Variants in TGM3 observed in about 807,000 individuals in gnomAD.
TGM3 encodes the protein protein-glutamine gamma-glutamyltransferase E.
Under a neutral mutation model 73.8 loss-of-function variants are expected in TGM3, and 52 were observed. The ratio of observed to expected loss-of-function variants is 0.70; its 90% CI spans 0.56 to 0.89. The LOEUF is 0.89. TGM3 is among the 40% of genes least tolerant of loss of function. The probability of loss-of-function intolerance (pLI) is 0.00; values close to 1 mark genes in which losing one functional copy is unlikely to be tolerated. For missense variants in TGM3, 928 were observed against 909.9 expected (o/e 1.02, Z -0.26); for synonymous variants, 372 against 354.9 (o/e 1.05, Z -0.54).
chr20:2,335,034 C>T, intron 10 of TGM3, 82 bp from the exon 11 acceptor site: 1 of 1,546,864 alleles, frequency 6.5e-7, no homozygotes, highest in South Asian at 1.2e-5. Context: ...CTCACCCTGC[C>T]TTGGCTTGGC....
Position 2,331,938 on chromosome 20 carries a change from T to C in TGM3, c.1334-64T>C, listed in dbSNP as rs2084322601. 3.9e-6 allele frequency: 6 copies of C among 1,545,494 alleles called. No homozygotes were observed. The South Asian group carries it at 6.3e-5, about 16-fold the overall frequency. ...TCCTAGGCCGCCTGTCCAGGCAGGG[T>C]ACTGTCCTTTGCCCAGGTTGCCATC... On this transcript the variant is annotated intron_variant, in intron 9 of 12. Transcript: ENST00000381458.
intron 7 of TGM3, among the ~76,000 whole-genome samples, chr20:2,321,505 G>C (rs182411471): frequency 6.6e-6 from 1 of 152,264 alleles, no homozygotes; most frequent in Admixed American, 6.5e-5. Flanking sequence ...TTCTAGGCAA[G>C]GTCTCCTAAC....
At chr20:2,326,259 C>G (rs777933543) in intron 8 of TGM3, among the ~76,000 whole-genome samples, 1 of 152,228 alleles carries the variant, frequency 6.6e-6, no homozygotes, top group South Asian at 2.1e-4. Flanking sequence ...GCAGCAGCCT[C>G]TCCTTCCCAG....
rs759655716 is a variant in TGM3, at chr20:2,310,385, C to T, written c.389C>T (p.Thr130Met). ...QGGISSVKLG[T>M]FILLFNPWLN... ...GGCATCTCCTCTGTGAAACTTGGGA[C>T]GTTCATACTGCTTTTTAACCCCTGG... The change falls in exon 3 of 13, where the codon ACG (threonine) becomes ATG (methionine). Residue 130 changes from threonine (T) to methionine (M), a missense_variant. Transcript: ENST00000381458. The T allele has an allele frequency of 1.7e-5, 28 of 1,614,092 alleles. 1 individual carries two copies. In the South Asian group the frequency reaches 2.2e-4, roughly 13 times the overall value.
At chr20:2,318,625 TA>T (rs759684224) in intron 7 of TGM3, among the ~76,000 whole-genome samples, 2 of 152,220 alleles carry the variant, frequency 1.3e-5, no homozygotes, top group Non-Finnish European at 2.9e-5. Context: ...CCCATCTATC[TA>T]TTGTTTTAAT....
At chr20:2,316,969 C>T (rs2084236610) in intron 5 of TGM3, 99 bp from the exon 6 acceptor site, 3 of 1,420,252 alleles carry the variant, frequency 2.1e-6, no homozygotes, top group Non-Finnish European at 2.9e-6. Flanking sequence ...CTTTGGCTTC[C>T]TTCCTCATCT....
intron 1 of TGM3, among the ~76,000 whole-genome samples, chr20:2,299,540 G>C (rs140993744): frequency 6.6e-6 from 1 of 152,348 alleles, no homozygotes; most frequent in Non-Finnish European, 1.5e-5. Context: ...ATCTCGCTTA[G>C]CAGTGGAGGG....
In TGM3 at chr20:2,340,608, C is replaced by T. The variant is rs1399659274; in HGVS notation, c.*27C>T. 7.4e-6 allele frequency: 12 copies of T among 1,613,986 alleles called. No homozygotes were observed. Among genetic ancestry groups the T allele is most frequent in the Non-Finnish European group, 1.0e-5 (12 of 1,180,000 alleles). ...GGGCGCTGGTGGCCTCCCGTACAAA[C>T]TTGGACAACACGGAGCAGGGAGAGC... On this transcript the variant is annotated 3_prime_UTR_variant, in exon 13 of 13. Coordinates refer to ENST00000381458, the MANE Select transcript of TGM3 (RefSeq NM_003245.4).
At chr20:2,323,650 T>C (rs2084272653) in intron 7 of TGM3, among the ~76,000 whole-genome samples, 1 of 152,242 alleles carries the variant, frequency 6.6e-6, no homozygotes, top group Non-Finnish European at 1.5e-5. Context: ...CACAAGGTCA[T>C]AGCAATTTAA....
intron 7 of TGM3, among the ~76,000 whole-genome samples, chr20:2,324,706 G>C (rs878980989): frequency 1.3e-5 from 2 of 152,152 alleles, no homozygotes; most frequent in African/African-American, 4.8e-5. Flanking sequence ...CTCTGCTCCT[G>C]GTTCCTCAGA....
At chr20:2,305,434 G>T (rs906349958) in intron 1 of TGM3, among the ~76,000 whole-genome samples, 1 of 152,210 alleles carries the variant, frequency 6.6e-6, no homozygotes, top group African/African-American at 2.4e-5. Context: ...TGCCACACCT[G>T]GGTTCAGGAT....
chr20:2,326,124 G>GCTGTTTAAATGAGTGCCTGCCC, intron 8 of TGM3, 172 bp downstream of exon 8: 1 of 685,142 alleles, frequency 1.5e-6, no homozygotes, highest in Non-Finnish European at 2.5e-6. Flanking sequence ...GGCTCGGGCT[G>GCTGTTTAAATGAGTGCCTGCCC]CTGTTTAAAT....
intron 1 of TGM3, among the ~76,000 whole-genome samples, chr20:2,297,402 G>A (rs1018787981): frequency 4.6e-5 from 7 of 152,192 alleles, no homozygotes; most frequent in African/African-American, 7.2e-5. Context: ...TGAAAGCTTT[G>A]AAATGAATGC....
chr20:2,340,364 T>A, intron 12 of TGM3, 70 bp from the exon 13 acceptor site: 1 of 1,589,028 alleles, frequency 6.3e-7, no homozygotes, highest in South Asian at 1.1e-5. Flanking sequence ...GGACAGGAGG[T>A]CACAGGAGGC....
At position 2,311,190 on chromosome 20, in the gene TGM3, T is replaced by G. The variant is rs1405163566; in HGVS notation, c.540+61T>G. 6 of 1,373,108 alleles carry G rather than the reference T, an allele frequency of 4.4e-6. No homozygotes were observed. In the African/African-American group the frequency reaches 8.6e-5, roughly 20 times the overall value. 85.1% of individuals were successfully genotyped at this position (1,373,108 alleles called of 1,614,324 possible). A position where few individuals can be genotyped will look rare whatever the true frequency, so the allele number is the denominator to read the frequency against. ...CTGTTACCCAAGAAGCTCAGCAGCT[T>G]GCCCCACAGATCAATGGGAAGTCCC... On this transcript the variant is annotated intron_variant, in intron 4 of 12. Transcript: ENST00000381458.
intron 11 of TGM3, among the ~76,000 whole-genome samples, chr20:2,339,115 A>T (rs753014899): frequency 1.3e-5 from 2 of 152,248 alleles, no homozygotes; most frequent in African/African-American, 2.4e-5. Flanking sequence ...GTTTAGAAGG[A>T]CATTGGTAGA....
chr20:2,337,999 C>T (rs1211018880), intron 11 of TGM3, among the ~76,000 whole-genome samples: 1 of 152,182 alleles, frequency 6.6e-6, no homozygotes, highest in African/African-American at 2.4e-5. Context: ...TTCTTTCCTC[C>T]ACCTAAGCCT....
At position 2,296,485 on chromosome 20, in the gene TGM3, C is replaced by T. The variant is rs45604533; in HGVS notation, c.7+415C>T. Reference sequence around the variant, plus strand: ...TGTCAGCAGTGTCAGCAAAGAAGCACATCTCAGAACTACCAGGGAGTGAGA... The same window carrying T: ...TGTCAGCAGTGTCAGCAAAGAAGCATATCTCAGAACTACCAGGGAGTGAGA... On this transcript the variant is annotated intron_variant, in intron 1 of 12. Transcript: ENST00000381458. Among the ~76,000 whole-genome samples the T allele has an allele frequency of 8.2e-3, 1,245 of 152,252 alleles. 20 individuals are homozygous for T. The highest frequency in any genetic ancestry group is 0.028 in the African/African-American group (1,143 of 41,544).
intron 8 of TGM3, among the ~76,000 whole-genome samples, chr20:2,327,628 A>G (rs6036147): frequency 0.48 from 72,658 of 152,044 alleles, 18,369 homozygotes; most frequent in African/African-American, 0.58. Context: ...ACTGACATCT[A>G]TCTATCTATC....
Sources: allele counts gnomAD v4.1 joint callset (sites outside exome capture counted in the v4.1 genomes callset), GRCh38; gene constraint gnomAD v4.1.1; transcripts MANE v1.5; gene names NCBI Gene and HGNC (gene_info 2026-07-23, HGNC 2026-07-21).